Variants in MYO6 observed in about 807,000 individuals in gnomAD.
MYO6 encodes myosin VI.
A neutral mutation model predicts 178.7 loss-of-function variants in MYO6; 74 were observed. The observed-to-expected ratio is 0.41, with a 90% CI of 0.34 to 0.50. The LOEUF is 0.50. Ranked by LOEUF, MYO6 falls within the 20% of genes least tolerant of loss-of-function variation. The pLI is 0.09. For synonymous variants in MYO6, 477 were observed against 504.6 expected (o/e 0.95, Z 0.73); for missense variants, 1,330 against 1,547.4 (o/e 0.86, Z 2.36).
chr6:75,918,342 G>C lies in MYO6; in HGVS notation c.*3330G>C, dbSNP rs571843020. ...CAGTTGTAACAATAAGGAAAGAGAAGAGCAACAGTGGAAGAGACAGGTTGT... is the reference window on the plus strand; with the variant it reads ...CAGTTGTAACAATAAGGAAAGAGAACAGCAACAGTGGAAGAGACAGGTTGT... On this transcript the variant is annotated 3_prime_UTR_variant, in exon 35 of 35. Transcript: ENST00000369977. 2 of 152,346 alleles carry C rather than the reference G, an allele frequency of 1.3e-5. No individual in the cohort carries two copies. The highest frequency in any genetic ancestry group is 3.9e-4 in the East Asian group (2 of 5,190). 9.4% of individuals were successfully genotyped at this position (152,346 alleles called of 1,614,324 possible).
chr6:75,907,790 G>A (rs909374399), intron 31 of MYO6, 82 bp downstream of exon 31: 1 of 882,580 alleles, frequency 1.1e-6, no homozygotes, highest in Non-Finnish European at 1.8e-6. Flanking sequence ...AGGTGTGTGT[G>A]TGTATGTGTG....
intron 10 of MYO6, among the ~76,000 whole-genome samples, chr6:75,847,463 G>A (rs911821220): frequency 9.9e-5 from 15 of 151,946 alleles, no homozygotes; most frequent in East Asian, 3.9e-4. Flanking sequence ...CAATCTTTTC[G>A]TGTCCAGTAA....
In MYO6 at chr6:75,891,473, C is replaced by T. The variant is rs936747059; in HGVS notation, c.2946+167C>T. ...TGGTGAAACCCCATCTCTACTTATACGAAAACAAATTAGCCGGACATGGTG... is the reference window on the plus strand; with the variant it reads ...TGGTGAAACCCCATCTCTACTTATATGAAAACAAATTAGCCGGACATGGTG... On this transcript the variant is annotated intron_variant, in intron 27 of 34. Transcript: ENST00000369977. 1.4e-4 allele frequency among the ~76,000 whole-genome samples: 21 copies of T among 151,654 alleles called. No individual in the cohort carries two copies. The East Asian group carries it at 1.9e-3, about 14-fold the overall frequency.
chr6:75,821,813 T>A lies in MYO6; in HGVS notation c.118-969T>A, dbSNP rs933774132. ...AGAATGGCATGGATTAAAATTTAAT[T>A]CTCTTTGGATGTCATTTGAGATCAT... On this transcript the variant is annotated intron_variant, in intron 2 of 34. Transcript: ENST00000369977. Among the ~76,000 whole-genome samples, 3 of 152,204 alleles carry A rather than the reference T, an allele frequency of 2.0e-5. No homozygotes were observed. The South Asian group carries it at 6.2e-4, about 31-fold the overall frequency.
rs876657531 is a variant in MYO6 at position 75,859,003 on chromosome 6, A to G, written c.1473+10A>G. The G allele has an allele frequency of 1.3e-6, 2 of 1,516,220 alleles. No homozygotes were observed. Among genetic ancestry groups the G allele is most frequent in the East Asian group, 2.3e-5 (1 of 44,272 alleles). 93.9% of individuals were successfully genotyped at this position (1,516,220 alleles called of 1,614,324 possible). On this transcript the variant is annotated intron_variant, in intron 14 of 34. Transcript: ENST00000369977. The stretch of plus-strand genomic sequence containing the variant: ...AAGGATTCTGAAGGAGGTAATTGCC[A>G]TTATAAGTTTAATTTAAGATCTGCA...
At position 75,766,348 on chromosome 6, in the gene MYO6, T is replaced by C. The variant is rs114308642; in HGVS notation, c.-48+16925T>C. 2.6e-3 allele frequency among the ~76,000 whole-genome samples: 395 copies of C among 151,804 alleles called. 3 individuals carry two copies. Among genetic ancestry groups the C allele is most frequent in the African/African-American group, 8.7e-3 (360 of 41,476 alleles). On this transcript the variant is annotated intron_variant, in intron 1 of 34. Coordinates refer to ENST00000369977, the MANE Select transcript of MYO6 (RefSeq NM_004999.4). ...AAAAAAAAGAAAAAAAGAAAAAAAC[T>C]AGTAGACAGTGTAACCTACACATAT...
chr6:75,914,214 T>C lies in MYO6; in HGVS notation c.3591T>C (p.Phe1197=), dbSNP rs1364896094. 1.2e-6 allele frequency: 2 copies of C among 1,614,204 alleles called. No individual in the cohort carries two copies. The highest frequency in any genetic ancestry group is 2.7e-5 in the African/African-American group (2 of 75,064). ...SKKKGWWYAH[F]DGPWIARQME... is the part of the protein sequence containing the mutation. Reference sequence around the variant, plus strand: ...AAAAAGGCTGGTGGTATGCCCATTTTGATGGACCATGGATTGCCCGGCAAA... The same window carrying C: ...AAAAAGGCTGGTGGTATGCCCATTTCGATGGACCATGGATTGCCCGGCAAA... Residue 1197 remains phenylalanine (F), a synonymous_variant, in exon 34 of 35, where the codon TTT becomes TTC. Transcript: ENST00000369977.
At chr6:75,848,308 A>T (rs1229551629) in intron 10 of MYO6, 43 bp from the exon 11 acceptor site, 1 of 1,567,314 alleles carries the variant, frequency 6.4e-7, no homozygotes, top group Non-Finnish European at 8.8e-7. Context: ...AGTGTACTTA[A>T]ATAATGTAAC....
At chr6:75,911,437 CCTCTTTATATGTG>C (rs970209351) in intron 32 of MYO6, among the ~76,000 whole-genome samples, 3 of 151,436 alleles carry the variant, frequency 2.0e-5, no homozygotes, top group Admixed American at 2.0e-4. Flanking sequence ...TAATTTTGGT[CCTCTTTATATGTG>C]CTTCAATCAG....
At chr6:75,757,195 G>A (rs1777502344) in intron 1 of MYO6, among the ~76,000 whole-genome samples, 1 of 145,742 alleles carries the variant, frequency 6.9e-6, no homozygotes, top group African/African-American at 2.5e-5. Flanking sequence ...CACATATATT[G>A]TGTATATATG....
intron 22 of MYO6, among the ~76,000 whole-genome samples, chr6:75,881,340 G>C (rs1177586672): frequency 6.6e-6 from 1 of 152,070 alleles, no homozygotes. Flanking sequence ...GAATGTGGGT[G>C]AGCCAATTCA....
In MYO6 at chr6:75,885,977, A is replaced by G. The variant is rs373874423; in HGVS notation, c.2417-27A>G. 1.3e-5 allele frequency: 17 copies of G among 1,345,128 alleles called. No homozygotes were observed. The African/African-American group carries it at 2.3e-4, about 18-fold the overall frequency. 83.3% of individuals were successfully genotyped at this position (1,345,128 alleles called of 1,614,324 possible). On this transcript the variant is annotated intron_variant, in intron 23 of 34. Transcript: ENST00000369977. ...TTAGATTTAAACTGAATAATTTTCT[A>G]TCATTTTATTTTACTCTTACACATA...
At chr6:75,775,389 G>T (rs1352863340) in intron 1 of MYO6, among the ~76,000 whole-genome samples, 4 of 152,204 alleles carry the variant, frequency 2.6e-5, no homozygotes, top group Non-Finnish European at 5.9e-5. Context: ...TCTGGCACTG[G>T]GGGGTTGGGC....
intron 5 of MYO6, 148 bp from the exon 6 acceptor site, chr6:75,832,694 A>G (rs979387069): frequency 4.9e-6 from 3 of 614,098 alleles, no homozygotes; most frequent in Non-Finnish European, 8.7e-6. Flanking sequence ...TGATTTGAAC[A>G]CTTTTGAATG....
At chr6:75,904,729 G>A (rs188343599) in intron 30 of MYO6, among the ~76,000 whole-genome samples, 2 of 152,142 alleles carry the variant, frequency 1.3e-5, no homozygotes, top group Admixed American at 6.6e-5. Flanking sequence ...CTCTCAGCTC[G>A]TCAAAGTCAT....
chr6:75,845,902 G>A (rs548434254), intron 10 of MYO6, among the ~76,000 whole-genome samples: 3 of 151,470 alleles, frequency 2.0e-5, no homozygotes, highest in African/African-American at 4.8e-5. Flanking sequence ...CAGGAGAATC[G>A]CTTGAACCCA....
chr6:75,917,885 T>G lies in MYO6; in HGVS notation c.*2873T>G, dbSNP rs1781205454. Reference sequence around the variant, plus strand: ...CGATCCAAATATGTAGATCATTGGTTTTTTTTTTTACCTGAAGTAGCTTAA... The same window carrying G: ...CGATCCAAATATGTAGATCATTGGTGTTTTTTTTTACCTGAAGTAGCTTAA... On this transcript the variant is annotated 3_prime_UTR_variant, in exon 35 of 35. Transcript: ENST00000369977. The G allele has an allele frequency of 1.6e-4, 1 of 6,430 alleles. No homozygotes were observed. The highest frequency in any genetic ancestry group is 1.9e-4 in the African/African-American group (1 of 5,252). The allele number at this position is 6,430 out of a possible 1,614,324, so 0.4% of individuals were successfully genotyped here.
intron 7 of MYO6, 123 bp downstream of exon 7, chr6:75,836,079 C>T (rs1226563849): frequency 1.1e-5 from 8 of 738,586 alleles, no homozygotes; most frequent in Non-Finnish European, 7.4e-6. Context: ...CTAATCATTG[C>T]TCATATATCA....
intron 1 of MYO6, among the ~76,000 whole-genome samples, chr6:75,794,628 G>T (rs891976905): frequency 6.6e-6 from 1 of 151,694 alleles, no homozygotes; most frequent in African/African-American, 2.4e-5. Flanking sequence ...GTACCTAGGA[G>T]CGAGCAGTGA....
Sources: gnomAD v4.1 joint callset for allele counts (sites outside exome capture counted in the v4.1 genomes callset) on GRCh38, gnomAD v4.1.1 for gene constraint, MANE v1.5 for transcripts, NCBI Gene and HGNC (gene_info 2026-07-23, HGNC 2026-07-21) for gene names.